The following SULT1A1 variants were observed in gnomAD, a reference collection of about 807,000 sequenced individuals.
The protein encoded by SULT1A1 is sulfotransferase 1A1.
SULT1A1 carries 35 observed loss-of-function variants against 36.8 expected under a neutral mutation model. That is an observed-to-expected ratio of 0.95 (90% CI 0.73 to 1.26). SULT1A1 has a LOEUF of 1.26. Among genes scored for constraint, SULT1A1 ranks in the 50% most tolerant of loss-of-function variants. The probability of loss-of-function intolerance (pLI) is 0.00; values close to 1 mark genes in which losing one functional copy is unlikely to be tolerated. For missense variants in SULT1A1, 309 were observed against 383.0 expected, an observed-to-expected ratio of 0.81 and a Z score of 1.61; for synonymous variants, 119 against 146.0, an observed-to-expected ratio of 0.82 and a Z score of 1.33.
intron 1 of SULT1A1, among the ~76,000 whole-genome samples, chr16:28,621,598 C>T (rs1347280851): frequency 2.0e-5 from 3 of 151,930 alleles, no homozygotes; most frequent in African/African-American, 7.3e-5. Context: ...ACCCCTTCAC[C>T]GCTGTACAAG....
At chr16:28,623,100 C>CCCCCCCCCGGGG in intron 1 of SULT1A1, 2 of 1,452,310 alleles carry the variant, frequency 1.4e-6, no homozygotes, top group Non-Finnish European at 1.9e-6. Flanking sequence ...ATACTGGTCC[C>CCCCCCCCCGGGG]ACCCCCCAGG....
chr16:28,606,621 C>T, intron 6 of SULT1A1, 140 bp downstream of exon 6: 1 of 1,373,858 alleles, frequency 7.3e-7, no homozygotes, highest in Non-Finnish European at 9.9e-7. Context: ...AGTGGGGAGG[C>T]CTGGGCCAAG....
At chr16:28,621,691 A>C (rs140866510) in intron 1 of SULT1A1, among the ~76,000 whole-genome samples, 1 of 152,126 alleles carries the variant, frequency 6.6e-6, no homozygotes, top group East Asian at 1.9e-4. Context: ...CCTTCTGATA[A>C]AACAGGAGGC....
chr16:28,619,239 C>T lies in SULT1A1; in HGVS notation c.138+824G>A, dbSNP rs548629031. On this transcript the variant is annotated intron_variant, in intron 2 of 5. Transcript: ENST00000350842. ...TATTGGCCAGGCTGGTTTCAAACTC[C>T]TGACATCAAGTGATCTGCCTGCCTC... Among the ~76,000 whole-genome samples, 20 of 152,244 alleles carry T rather than the reference C, an allele frequency of 1.3e-4. No individual in the cohort carries two copies. The South Asian group carries it at 4.2e-3, about 32-fold the overall frequency.
At chr16:28,623,315 C>G (rs1214541478) in exon 1 of SULT1A1, 2 of 1,528,998 alleles carry the variant, frequency 1.3e-6, no homozygotes, top group Non-Finnish European at 1.7e-6. Context: ...GCCAGTCGGC[C>G]TAGCGGCCCT....
In SULT1A1 at chr16:28,610,033, T is replaced by C. The variant is rs1418291119; in HGVS notation, c.-107A>G. ...GTTGTTCTCTGAGCTGAGGGTTTCCTAGGTCCACTGTGGGAGGGATCTGGA... is the reference window on the plus strand; with the variant it reads ...GTTGTTCTCTGAGCTGAGGGTTTCCCAGGTCCACTGTGGGAGGGATCTGGA... On this transcript the variant is annotated 5_prime_UTR_variant, in exon 1 of 8. Coordinates refer to ENST00000314752, the MANE Select transcript of SULT1A1 (RefSeq NM_001055.4). 18 of 1,285,548 alleles carry C rather than the reference T, an allele frequency of 1.4e-5. 1 individual carries two copies. Among genetic ancestry groups the C allele is most frequent in the Non-Finnish European group, 1.7e-5 (17 of 986,720 alleles). The allele number at this position is 1,285,548 out of a possible 1,614,324, so 79.6% of individuals were successfully genotyped here.
At chr16:28,620,011 G>GTGTGTA (rs866304604) in intron 2 of SULT1A1, 98 of 1,394,358 alleles carry the variant, frequency 7.0e-5, no homozygotes, top group Middle Eastern at 2.1e-4. Flanking sequence ...GTGTGTGTGT[G>GTGTGTA]TATATACACA....
At chr16:28,619,006 A>T in intron 2 of SULT1A1, among the ~76,000 whole-genome samples, 1 of 152,150 alleles carries the variant, frequency 6.6e-6, no homozygotes, top group Non-Finnish European at 1.5e-5. Context: ...AAATTCAGAG[A>T]TATTATTTCA....
rs1041986 is a variant in SULT1A1 at position 28,608,363 on chromosome 16, C to T, written c.300G>A (p.Pro100=). 5.4e-4 allele frequency: 864 copies of T among 1,612,176 alleles called. 25 individuals are homozygous for T. Among genetic ancestry groups the T allele is most frequent in the Non-Finnish European group, 6.4e-4 (752 of 1,178,590 alleles). Reference sequence around the variant, plus strand: ...GGTGTGTCTTCAGGAGTCGTGGGGCCGGTGTGTCTTTCAGAGTCTCCATCC... The same window carrying T: ...GGTGTGTCTTCAGGAGTCGTGGGGCTGGTGTGTCTTTCAGAGTCTCCATCC... The part of the protein sequence containing the change: ...PSGMETLKDT[P]APRLLKTHLP... Residue 100 remains proline (P), a synonymous_variant, in exon 4 of 8, where the codon CCG becomes CCA. Transcript: ENST00000314752.
chr16:28,623,373 C>T (rs1316667457), exon 1 of SULT1A1: 36 of 1,480,522 alleles, frequency 2.4e-5, no homozygotes, highest in Non-Finnish European at 2.9e-5. Flanking sequence ...CGAGCTACGG[C>T]ACGCTCGTAG....
chr16:28,610,443 G>T, upstream of SULT1A1: 1 of 361,332 alleles, frequency 2.8e-6, no homozygotes, highest in Non-Finnish European at 5.2e-6. Flanking sequence ...CCTACCTGCT[G>T]GCTCCAGGCC....
intron 2 of SULT1A1, among the ~76,000 whole-genome samples, chr16:28,618,431 C>T (rs1190242797): frequency 2.0e-5 from 3 of 148,398 alleles, no homozygotes; most frequent in African/African-American, 7.5e-5. Flanking sequence ...GTGCAACCTC[C>T]GCCTTCCGGG....
intron 1 of SULT1A1, chr16:28,620,185 T>C: frequency 6.5e-7 from 1 of 1,542,554 alleles, no homozygotes; most frequent in Non-Finnish European, 8.9e-7. Flanking sequence ...GAGTACTGTA[T>C]AACAGTTCAT....
rs778739507 is a variant in SULT1A1 at position 28,608,240 on chromosome 16, G to C, written c.372+51C>G. ...AACCTCAGGTGATCTGCCTGCCTCA[G>C]CCTCCCAAAGTGCTGGGATTATGGA... On this transcript the variant is annotated intron_variant, in intron 4 of 7. Coordinates refer to ENST00000314752, the MANE Select transcript of SULT1A1 (RefSeq NM_001055.4). 3 of 1,604,264 alleles carry C rather than the reference G, an allele frequency of 1.9e-6. 1 individual carries two copies. The highest frequency in any genetic ancestry group is 2.6e-6 in the Non-Finnish European group (3 of 1,172,774).
chr16:28,616,898 T>C (rs1161782327), intron 2 of SULT1A1, among the ~76,000 whole-genome samples: 1 of 152,210 alleles, frequency 6.6e-6, no homozygotes, highest in African/African-American at 2.4e-5. Context: ...AAACTGCCTG[T>C]GGTTTCTCCC....
intron 2 of SULT1A1, among the ~76,000 whole-genome samples, chr16:28,615,676 C>T (rs991156239): frequency 6.6e-6 from 1 of 152,192 alleles, no homozygotes; most frequent in African/African-American, 2.4e-5. Flanking sequence ...CACCAATATG[C>T]AGAGACTGGT....
At chr16:28,615,230 C>T (rs1202532356) in intron 2 of SULT1A1, among the ~76,000 whole-genome samples, 15 of 112,750 alleles carry the variant, frequency 1.3e-4, no homozygotes, top group African/African-American at 4.3e-4. Context: ...GTGGGCGGGG[C>T]CGGCTGTGCA....
At chr16:28,620,348 T>G (rs1427207867) in intron 1 of SULT1A1, among the ~76,000 whole-genome samples, 2 of 151,998 alleles carry the variant, frequency 1.3e-5, no homozygotes, top group Non-Finnish European at 2.9e-5. Flanking sequence ...GCAGATTGCT[T>G]GAGTCCAGGA....
At chr16:28,622,417 G>A (rs1022039996) in intron 1 of SULT1A1, among the ~76,000 whole-genome samples, 1 of 152,004 alleles carries the variant, frequency 6.6e-6, no homozygotes, top group African/African-American at 2.4e-5. Context: ...GGCCCGGGTC[G>A]GATTTTCTAA....
Sources: gnomAD v4.1 joint callset for allele counts (sites outside exome capture counted in the v4.1 genomes callset) on GRCh38, gnomAD v4.1.1 for gene constraint, MANE v1.5 for transcripts, NCBI Gene and HGNC (gene_info 2026-07-23, HGNC 2026-07-21) for gene names.